Variants in UST observed in about 807,000 individuals in gnomAD.
UST encodes uronyl 2-sulfotransferase, also known as chondroitin sulfate 2-O-sulfotransferase.
In UST, 21 loss-of-function variants were observed where a neutral mutation model predicts 45.6. That is an observed-to-expected ratio of 0.46 (90% confidence interval 0.33 to 0.66). The LOEUF is 0.66. Among genes scored for constraint, UST ranks in the 30% least tolerant of loss-of-function variants. The probability of loss-of-function intolerance (pLI) is 0.02; values close to 1 mark genes in which losing one functional copy is unlikely to be tolerated. For synonymous variants in UST, 215 were observed against 200.6 expected (o/e 1.07, Z -0.61); for missense variants, 463 against 512.4 (o/e 0.90, Z 0.93).
chr6:149,051,906 G>T (rs2115036873), intron 7 of UST, among the ~76,000 whole-genome samples: 1 of 152,196 alleles, frequency 6.6e-6, no homozygotes, highest in East Asian at 1.9e-4. Flanking sequence ...CTACCCAAAT[G>T]GAACTCTATT....
In UST at chr6:148,764,798, A is replaced by G. The variant is rs544287946; in HGVS notation, c.247+17121A>G. On this transcript the variant is annotated intron_variant, in intron 1 of 7. Coordinates refer to ENST00000367463, the MANE Select transcript of UST (RefSeq NM_005715.3). ...GGTCAGGGCGAAACTAGAATCACTA[A>G]TGAACTTCCATGTCCTGCTGTGCAC... Among the ~76,000 whole-genome samples the G allele has an allele frequency of 9.8e-4, 149 of 152,310 alleles. 1 individual carries two copies. Among genetic ancestry groups the G allele is most frequent in the African/African-American group, 3.5e-3 (147 of 41,574 alleles).
intron 5 of UST, among the ~76,000 whole-genome samples, chr6:149,002,942 CCA>C (rs1344664149): frequency 1.3e-5 from 2 of 152,266 alleles, no homozygotes; most frequent in East Asian, 3.9e-4. Context: ...GAAAATCAAT[CCA>C]GTTATTCATT....
chr6:148,982,913 T>C (rs1781166887), intron 5 of UST, among the ~76,000 whole-genome samples: 1 of 152,246 alleles, frequency 6.6e-6, no homozygotes, highest in South Asian at 2.1e-4. Context: ...CTAAAACTAC[T>C]TGGGCCTCCC....
chr6:148,820,542 C>T (rs1473174258), intron 1 of UST, among the ~76,000 whole-genome samples: 3 of 152,122 alleles, frequency 2.0e-5, no homozygotes, highest in South Asian at 2.1e-4. Flanking sequence ...ATGCATAAAC[C>T]CCATTAAAAA....
chr6:149,048,463 G>C (rs952637476), intron 7 of UST, among the ~76,000 whole-genome samples: 4 of 151,936 alleles, frequency 2.6e-5, no homozygotes, highest in Non-Finnish European at 4.4e-5. Context: ...TTGAACCTGG[G>C]GGGCAGAGGT....
intron 2 of UST, among the ~76,000 whole-genome samples, chr6:148,924,685 G>C (rs1779779315): frequency 6.6e-6 from 1 of 152,152 alleles, no homozygotes; most frequent in South Asian, 2.1e-4. Flanking sequence ...ATGTGGGCTG[G>C]ACTTCCCAGG....
intron 5 of UST, among the ~76,000 whole-genome samples, chr6:148,972,217 G>T (rs1356436992): frequency 6.6e-6 from 1 of 152,170 alleles, no homozygotes; most frequent in Admixed American, 6.5e-5. Flanking sequence ...TGAAAATTGC[G>T]GGGAGGAACG....
intron 1 of UST, among the ~76,000 whole-genome samples, chr6:148,810,820 A>T (rs1269905564): frequency 2.0e-5 from 3 of 152,246 alleles, no homozygotes; most frequent in African/African-American, 7.2e-5. Context: ...CTTCTCAAAT[A>T]GTATCCCTTC....
At position 148,910,201 on chromosome 6, in the gene UST, C is replaced by T. The variant is rs182088977; in HGVS notation, c.291+23172C>T. On this transcript the variant is annotated intron_variant, in intron 2 of 7. Transcript: ENST00000367463. ...CGTTGCCCAGGCTGGAGTGCAATGGCACGATCTTGGCTCACCACAACCTCC... is the reference window on the plus strand; with the variant it reads ...CGTTGCCCAGGCTGGAGTGCAATGGTACGATCTTGGCTCACCACAACCTCC... 2.6e-3 allele frequency among the ~76,000 whole-genome samples: 364 copies of T among 140,402 alleles called. 1 individual carries two copies. The highest frequency in any genetic ancestry group is 9.3e-3 in the African/African-American group (350 of 37,512). 92.1% of individuals were successfully genotyped at this position (140,402 alleles called of 152,430 possible).
chr6:149,036,248 G>A (rs6570921), intron 7 of UST, among the ~76,000 whole-genome samples: 52,263 of 152,002 alleles, frequency 0.34, 9,473 homozygotes, highest in Non-Finnish European at 0.41. Flanking sequence ...CTCTCCCGTC[G>A]GGGACACCCA....
At chr6:148,771,315 T>C (rs1161473555) in intron 1 of UST, among the ~76,000 whole-genome samples, 2 of 152,252 alleles carry the variant, frequency 1.3e-5, no homozygotes, top group East Asian at 3.8e-4. Context: ...GAAGTGGCTC[T>C]GCTTCCATTT....
At chr6:148,886,615 G>A (rs1778916562) in intron 1 of UST, among the ~76,000 whole-genome samples, 5 of 152,168 alleles carry the variant, frequency 3.3e-5, no homozygotes, top group Admixed American at 3.3e-4. Context: ...CTCAGACTGG[G>A]GCTGGGCAGT....
At chr6:148,774,877 G>A (rs1217940271) in intron 1 of UST, among the ~76,000 whole-genome samples, 2 of 152,148 alleles carry the variant, frequency 1.3e-5, no homozygotes, top group Non-Finnish European at 2.9e-5. Flanking sequence ...AATTAGCCAG[G>A]CATGGTGGCA....
chr6:148,755,527 G>A (rs1486416976), intron 1 of UST, among the ~76,000 whole-genome samples: 2 of 152,060 alleles, frequency 1.3e-5, no homozygotes, highest in Non-Finnish European at 2.9e-5. Context: ...TTGAATTGTA[G>A]TTCCCATAAT....
chr6:148,753,381 A>G (rs895340909), intron 1 of UST, among the ~76,000 whole-genome samples: 32 of 152,036 alleles, frequency 2.1e-4, no homozygotes, highest in African/African-American at 7.5e-4. Context: ...ATAGAATAAT[A>G]TAATATGTGG....
chr6:149,056,175 G>C (rs1361912048), intron 7 of UST, among the ~76,000 whole-genome samples: 1 of 62,776 alleles, frequency 1.6e-5, no homozygotes, highest in Non-Finnish European at 2.8e-5. Flanking sequence ...GCTGCAGTGC[G>C]GTGGCGTTAG....
At position 148,941,435 on chromosome 6, in the gene UST, G is replaced by C; in HGVS notation, c.447+1G>C. The C allele has an allele frequency of 6.3e-7, 1 of 1,589,634 alleles. No individual in the cohort carries two copies. The highest frequency in any genetic ancestry group is 8.5e-7 in the Non-Finnish European group (1 of 1,172,548). On this transcript the variant is annotated splice_donor_variant, in intron 3 of 7. Coordinates refer to ENST00000367463, the MANE Select transcript of UST (RefSeq NM_005715.3). LOFTEE classifies it high-confidence loss of function. Reference sequence around the variant, plus strand: ...AACCAGGCTTACTAAAAATGAACAAGTAAGTTGACTTTGCACATTGTTAAA... The same window carrying C: ...AACCAGGCTTACTAAAAATGAACAACTAAGTTGACTTTGCACATTGTTAAA...
At chr6:149,016,526 TA>T (rs10718410) in intron 5 of UST, among the ~76,000 whole-genome samples, 102,180 of 151,566 alleles carry the variant, frequency 0.67, 34,839 homozygotes, top group African/African-American at 0.76. Context: ...ACTCCTGCTT[TA>T]GTCCAGGCAG....
At chr6:149,002,138 G>GA (rs1350798056) in intron 5 of UST, among the ~76,000 whole-genome samples, 3 of 148,120 alleles carry the variant, frequency 2.0e-5, no homozygotes, top group East Asian at 1.9e-4. Context: ...CCATGTGTTT[G>GA]AAAAAAAATC....
Sources: allele counts gnomAD v4.1 joint callset (sites outside exome capture counted in the v4.1 genomes callset), GRCh38; gene constraint gnomAD v4.1.1; transcripts MANE v1.5; gene names NCBI Gene and HGNC (gene_info 2026-07-23, HGNC 2026-07-21).